The following BICDL1 variants were observed in gnomAD, a reference collection of about 807,000 sequenced individuals.
BICDL1 encodes BICD family like cargo adaptor 1, also known as BICD family-like cargo adapter 1.
BICDL1 carries 20 observed loss-of-function variants against 76.8 expected under a neutral mutation model. The ratio of observed to expected loss-of-function variants is 0.26; its 90% CI spans 0.18 to 0.38. The LOEUF (loss-of-function observed/expected upper bound fraction) is 0.38, where lower values mean the gene tolerates loss of function less well. Among genes scored for constraint, BICDL1 ranks in the 10% least tolerant of loss-of-function variants. The pLI, the probability that BICDL1 is intolerant of heterozygous loss-of-function variation, is 1.00. For synonymous variants in BICDL1, 383 were observed against 337.1 expected (o/e 1.14, Z -1.49); for missense variants, 700 against 798.6 (o/e 0.88, Z 1.49).
At chr12:120,086,505 G>T (rs1444640472) in intron 8 of BICDL1, among the ~76,000 whole-genome samples, 1 of 151,934 alleles carries the variant, frequency 6.6e-6, no homozygotes, top group Non-Finnish European at 1.5e-5. Context: ...AGTTGGGTGG[G>T]GCCCACTTCT....
chr12:120,092,767 T>C lies in BICDL1; in HGVS notation c.1705-233T>C, dbSNP rs1056115460. On this transcript the variant is annotated intron_variant, in intron 9 of 9. Coordinates refer to ENST00000548673, the MANE Select transcript of BICDL1 (RefSeq NM_001367886.1). ...TGGCGGCCCAGCAGGAGTAACACTG[T>C]TGAGGAGAACCCAGCCCAAGCCTGA... 12 of 985,322 alleles carry C rather than the reference T, an allele frequency of 1.2e-5. No homozygotes were observed. The African/African-American group carries it at 1.9e-4, about 16-fold the overall frequency. The allele number at this position is 985,322 out of a possible 1,614,324, so 61.0% of individuals were successfully genotyped here.
chr12:120,091,823 T>C (rs928124425), intron 9 of BICDL1: 1 of 985,272 alleles, frequency 1.0e-6, no homozygotes, highest in Non-Finnish European at 1.2e-6. Context: ...GCTGCTCAGA[T>C]GGAGGGGCCC....
At position 120,012,233 on chromosome 12, in the gene BICDL1, A is replaced by G. The variant is rs574879124; in HGVS notation, c.645+13497A>G. On this transcript the variant is annotated intron_variant, in intron 2 of 9. Coordinates refer to ENST00000548673, the MANE Select transcript of BICDL1 (RefSeq NM_001367886.1). The stretch of plus-strand genomic sequence containing the variant: ...ATTTATTTTCCATTCCAGTCATGAC[A>G]CATAAGGTACTTTCCCTGCACACGA... 1.1e-4 allele frequency among the ~76,000 whole-genome samples: 17 copies of G among 152,320 alleles called. No individual in the cohort carries two copies. In the East Asian group the frequency reaches 3.1e-3, roughly 28 times the overall value.
intron 2 of BICDL1, among the ~76,000 whole-genome samples, chr12:120,021,604 AAAAAAAG>A (rs1415797758): frequency 6.7e-6 from 1 of 149,450 alleles, no homozygotes; most frequent in Non-Finnish European, 1.5e-5. Context: ...AAAAAAAAAA[AAAAAAAG>A]AGAATCAGCC....
At chr12:120,084,886 G>C (rs1212194139) in intron 8 of BICDL1, among the ~76,000 whole-genome samples, 1 of 145,970 alleles carries the variant, frequency 6.9e-6, no homozygotes, top group East Asian at 2.0e-4. Context: ...CGGGGACTCT[G>C]TCTCAAAAAA....
rs1051485285 is a variant in BICDL1, at chr12:120,069,319, G to A, written c.910-2303G>A. On this transcript the variant is annotated intron_variant, in intron 4 of 9. Transcript: ENST00000548673. ...AGGTGAACGTGCAGGATGAAGGACTGATGTTAGACATGGCAAAACTGTGGA... is the reference window on the plus strand; with the variant it reads ...AGGTGAACGTGCAGGATGAAGGACTAATGTTAGACATGGCAAAACTGTGGA... 2.0e-5 allele frequency among the ~76,000 whole-genome samples: 3 copies of A among 152,224 alleles called. No individual in the cohort carries two copies. In the East Asian group the frequency reaches 5.8e-4, roughly 29 times the overall value.
intron 2 of BICDL1, among the ~76,000 whole-genome samples, chr12:120,004,164 A>G (rs1334142652): frequency 1.3e-5 from 2 of 151,866 alleles, no homozygotes; most frequent in African/African-American, 4.8e-5. Flanking sequence ...TAAAATAATT[A>G]TTTTTTCTTT....
intron 2 of BICDL1, among the ~76,000 whole-genome samples, chr12:120,001,927 G>A (rs1951767620): frequency 6.6e-6 from 1 of 152,150 alleles, no homozygotes; most frequent in African/African-American, 2.4e-5. Flanking sequence ...AGTGGTGCAT[G>A]CCTGTAGTAC....
intron 2 of BICDL1, among the ~76,000 whole-genome samples, chr12:120,027,863 C>G (rs560093321): frequency 6.6e-6 from 1 of 152,310 alleles, no homozygotes; most frequent in South Asian, 2.1e-4. Context: ...ATTAACAGAT[C>G]TGTTTACTCT....
intron 2 of BICDL1, among the ~76,000 whole-genome samples, chr12:120,036,275 T>A (rs566384114): frequency 6.6e-6 from 1 of 152,344 alleles, no homozygotes; most frequent in South Asian, 2.1e-4. Context: ...AGCAGTAAAA[T>A]TAATGGATCA....
intron 9 of BICDL1, chr12:120,091,212 G>A (rs1294993415): frequency 6.8e-6 from 8 of 1,177,870 alleles, no homozygotes; most frequent in East Asian, 1.2e-4. Flanking sequence ...GCAGTGTGTG[G>A]CCCAGTGCTA....
At position 120,061,746 on chromosome 12, in the gene BICDL1, C is replaced by A; in HGVS notation, c.682C>A (p.His228Asn). The A allele has an allele frequency of 6.2e-7, 1 of 1,614,168 alleles. No homozygotes were observed. ...TGAGAGACAACTCTCCATGCAGGTC[C>A]ACGCCCTCAGAGAAGACTTTCGGGA... ...EVERQLSMQVHALREDFREKN... is the reference protein window; with the variant it reads ...EVERQLSMQVNALREDFREKN... The change falls in exon 3 of 10, where the codon CAC becomes AAC. Residue 228 changes from histidine to asparagine, a missense_variant. Physicochemically the swap from His to Asn is moderately conservative, Grantham distance 68. Coordinates refer to ENST00000548673, the MANE Select transcript of BICDL1 (RefSeq NM_001367886.1).
intron 4 of BICDL1, among the ~76,000 whole-genome samples, chr12:120,065,230 G>A (rs1310553704): frequency 1.3e-5 from 2 of 152,192 alleles, no homozygotes; most frequent in African/African-American, 4.8e-5. Context: ...GGGAGCCTGT[G>A]ACTCTCTAAC....
chr12:120,089,737 C>T (rs1874800615), intron 8 of BICDL1, among the ~76,000 whole-genome samples: 1 of 152,232 alleles, frequency 6.6e-6, no homozygotes, highest in Admixed American at 6.5e-5. Flanking sequence ...CTTTCACCTA[C>T]AGGTTGGTTA....
intron 2 of BICDL1, among the ~76,000 whole-genome samples, chr12:120,024,659 A>G (rs1381885969): frequency 6.6e-6 from 1 of 151,584 alleles, no homozygotes; most frequent in African/African-American, 2.4e-5. Context: ...TGTACTCTCA[A>G]ATATAATAAT....
intron 2 of BICDL1, among the ~76,000 whole-genome samples, chr12:120,027,265 G>A (rs564928270): frequency 6.6e-6 from 1 of 151,506 alleles, no homozygotes; most frequent in Non-Finnish European, 1.5e-5. Flanking sequence ...CTCATGATCC[G>A]CCTGCCTTGA....
In BICDL1 at chr12:120,093,066, G is replaced by C. The variant is rs1472861206; in HGVS notation, c.1771G>C (p.Ala591Pro). The C allele has an allele frequency of 6.2e-7, 1 of 1,603,134 alleles. No individual in the cohort carries two copies. The highest frequency in any genetic ancestry group is 2.2e-5 in the East Asian group (1 of 44,620). Residue 591 changes from alanine (A) to proline (P), a missense_variant, in exon 10 of 10, where the codon GCT becomes CCT. Coordinates refer to ENST00000548673, the MANE Select transcript of BICDL1 (RefSeq NM_001367886.1). ...DTHLKERSQP[A>P]AALCRGHSAG... The stretch of plus-strand genomic sequence containing the variant: ...GCACCTGAAAGAACGGAGCCAGCCG[G>C]CTGCTGCCCTCTGCAGGGGCCACAG...
At chr12:119,992,499 C>T (rs1286363829) in intron 1 of BICDL1, 1 of 152,274 alleles carries the variant, frequency 6.6e-6, no homozygotes, top group Non-Finnish European at 1.5e-5. Flanking sequence ...CCCTCCCACT[C>T]AGCCTCCTGA....
At chr12:120,089,379 TGTGTGTGTGTG>T (rs934007213) in intron 8 of BICDL1, among the ~76,000 whole-genome samples, 3 of 149,734 alleles carry the variant, frequency 2.0e-5, no homozygotes, top group Admixed American at 1.3e-4. Flanking sequence ...TTTCAACGTG[TGTGTGTGTGTG>T]GTGTGTGTGT....
Sources: allele counts gnomAD v4.1 joint callset (sites outside exome capture counted in the v4.1 genomes callset), GRCh38; gene constraint gnomAD v4.1.1; transcripts MANE v1.5; gene names NCBI Gene and HGNC (gene_info 2026-07-23, HGNC 2026-07-21).